Variants in SPAG16 observed in about 807,000 individuals in gnomAD.
The protein encoded by SPAG16 is sperm associated antigen 16.
SPAG16 carries 86 observed loss-of-function variants against 80.4 expected under a neutral mutation model. That is an observed-to-expected ratio of 1.07 (90% CI 0.90 to 1.28). SPAG16 has a LOEUF of 1.28. SPAG16 is among the 50% of genes most tolerant of loss of function. The pLI, the probability that SPAG16 is intolerant of heterozygous loss-of-function variation, is 0.00. For missense variants in SPAG16, 870 were observed against 765.3 expected (o/e 1.14, Z -1.61); for synonymous variants, 294 against 265.9 (o/e 1.11, Z -1.03).
intron 10 of SPAG16, among the ~76,000 whole-genome samples, chr2:213,619,626 G>A (rs999522865): frequency 2.0e-5 from 3 of 152,090 alleles, no homozygotes; most frequent in African/African-American, 7.2e-5. Flanking sequence ...TCTCACTCCA[G>A]TTAGAATAGC....
Position 213,878,486 on chromosome 2 carries a change from T to C in SPAG16, c.1214+15858T>C, listed in dbSNP as rs571992808. Among the ~76,000 whole-genome samples the C allele has an allele frequency of 2.6e-4, 40 of 152,300 alleles. No homozygotes were observed. In the South Asian group the frequency reaches 6.2e-3, roughly 24 times the overall value. On this transcript the variant is annotated intron_variant, in intron 11 of 15. Coordinates refer to ENST00000331683, the MANE Select transcript of SPAG16 (RefSeq NM_024532.5). ...TCTATTCATTTTCTTTGCCCACTTT[T>C]TATTGGGGCTATTGGGAATTTTTGT...
chr2:213,641,160 C>T (rs763791235), intron 10 of SPAG16, among the ~76,000 whole-genome samples: 14 of 152,162 alleles, frequency 9.2e-5, no homozygotes, highest in East Asian at 1.9e-4. Context: ...AATGGAGTTA[C>T]GTTCTGAAGG....
intron 1 of SPAG16, among the ~76,000 whole-genome samples, chr2:213,289,026 T>G (rs1349785320): frequency 1.1e-4 from 16 of 152,182 alleles, no homozygotes; most frequent in Admixed American, 1.0e-3. Flanking sequence ...AAAAAAAATG[T>G]GTTTTGCTCT....
intron 10 of SPAG16, among the ~76,000 whole-genome samples, chr2:213,796,612 G>A (rs1055251195): frequency 6.6e-6 from 1 of 152,102 alleles, no homozygotes; most frequent in African/African-American, 2.4e-5. Context: ...CCATTGCTTA[G>A]TGATGTCATA....
intron 9 of SPAG16, among the ~76,000 whole-genome samples, chr2:213,416,241 G>A (rs1442576665): frequency 6.6e-6 from 1 of 152,200 alleles, no homozygotes. Flanking sequence ...TACATGCAGA[G>A]GCTTTAAATG....
chr2:213,346,056 T>A (rs557911238), intron 6 of SPAG16, among the ~76,000 whole-genome samples: 104 of 152,302 alleles, frequency 6.8e-4, no homozygotes, highest in Admixed American at 1.6e-3. Context: ...TTTTATTTCC[T>A]TGAGCAGTGG....
chr2:213,741,716 C>A (rs1223431071), intron 10 of SPAG16, among the ~76,000 whole-genome samples: 1 of 152,042 alleles, frequency 6.6e-6, no homozygotes, highest in Non-Finnish European at 1.5e-5. Flanking sequence ...TTACATTAGT[C>A]ATTTTATATA....
chr2:213,467,394 C>T (rs1196281585), intron 9 of SPAG16, among the ~76,000 whole-genome samples: 1 of 152,160 alleles, frequency 6.6e-6, no homozygotes, highest in Non-Finnish European at 1.5e-5. Context: ...GATGGTAGTT[C>T]CCTTATGAGG....
rs1454353757 is a variant in SPAG16 at position 214,013,849 on chromosome 2, A to G, written c.1401-102A>G. The G allele has an allele frequency of 4.8e-6, 6 of 1,240,072 alleles. No homozygotes were observed. The East Asian group carries it at 1.5e-4, about 31-fold the overall frequency. The allele number at this position is 1,240,072 out of a possible 1,614,324, so 76.8% of individuals were successfully genotyped here. A position where few individuals can be genotyped will look rare whatever the true frequency, so the allele number is the denominator to read the frequency against. ...TTGTTATTGTAAAATTTTTGCCATT[A>G]ATAAAATTATTTCATGCCTCAGTTC... On this transcript the variant is annotated intron_variant, in intron 12 of 15. Transcript: ENST00000331683.
intron 15 of SPAG16, among the ~76,000 whole-genome samples, chr2:214,320,160 C>T (rs1306694355): frequency 3.9e-5 from 6 of 152,194 alleles, no homozygotes; most frequent in Non-Finnish European, 5.9e-5. Context: ...TATCTAGCCA[C>T]AGTGACTCTT....
chr2:213,649,771 G>A (rs546872063), intron 10 of SPAG16, among the ~76,000 whole-genome samples: 2 of 152,056 alleles, frequency 1.3e-5, no homozygotes, highest in African/African-American at 4.8e-5. Flanking sequence ...TGTAAAGAAA[G>A]GTTCTTGTTT....
rs377596230 is a variant in SPAG16 at position 213,807,960 on chromosome 2, T to A, written c.1071-54525T>A. The stretch of plus-strand genomic sequence containing the variant: ...CCTAGCTAGTGACCTATGATAGGCC[T>A]TGGTGCCAAATATTCTGCCCAAATG... On this transcript the variant is annotated intron_variant, in intron 10 of 15. Coordinates refer to ENST00000331683, the MANE Select transcript of SPAG16 (RefSeq NM_024532.5). Among the ~76,000 whole-genome samples, 5 of 152,302 alleles carry A rather than the reference T, an allele frequency of 3.3e-5. No individual in the cohort carries two copies. In the East Asian group the frequency reaches 9.6e-4, roughly 29 times the overall value.
At chr2:213,399,569 AT>A (rs935797706) in intron 9 of SPAG16, among the ~76,000 whole-genome samples, 2 of 151,936 alleles carry the variant, frequency 1.3e-5, no homozygotes, top group African/African-American at 4.8e-5. Context: ...CTAGTTAATC[AT>A]TTTTTCATAG....
At chr2:214,389,954 A>C (rs1477181779) in intron 15 of SPAG16, among the ~76,000 whole-genome samples, 1 of 152,116 alleles carries the variant, frequency 6.6e-6, no homozygotes, top group Non-Finnish European at 1.5e-5. Context: ...TTTTTGTTGG[A>C]GTGCACTTCA....
chr2:213,430,166 C>G (rs369598507), intron 9 of SPAG16, among the ~76,000 whole-genome samples: 90 of 149,956 alleles, frequency 6.0e-4, no homozygotes, highest in African/African-American at 2.2e-3. Flanking sequence ...CACAGAACTT[C>G]TGGAAATGAA....
At chr2:213,439,852 T>C (rs1277015501) in intron 9 of SPAG16, among the ~76,000 whole-genome samples, 2 of 152,228 alleles carry the variant, frequency 1.3e-5, no homozygotes, top group African/African-American at 4.8e-5. Context: ...CTTAGATTTA[T>C]GCCACAGAAA....
intron 10 of SPAG16, among the ~76,000 whole-genome samples, chr2:213,816,324 C>T (rs998339045): frequency 1.3e-5 from 2 of 151,788 alleles, no homozygotes; most frequent in Non-Finnish European, 2.9e-5. Flanking sequence ...TGTTGATGAC[C>T]CTATTGATTT....
intron 10 of SPAG16, among the ~76,000 whole-genome samples, chr2:213,561,960 A>T (rs979898963): frequency 6.6e-6 from 1 of 152,166 alleles, no homozygotes; most frequent in African/African-American, 2.4e-5. Context: ...TCAGCCAATT[A>T]TTCTGTCTTG....
At chr2:214,140,933 T>TGGGG (rs56893647) in intron 14 of SPAG16, among the ~76,000 whole-genome samples, 5 of 59,206 alleles carry the variant, frequency 8.4e-5, no homozygotes, top group Admixed American at 2.2e-4. Flanking sequence ...ATCCCATTGG[T>TGGGG]GGGGGGGGGG....
Sources: allele counts gnomAD v4.1 joint callset (sites outside exome capture counted in the v4.1 genomes callset), GRCh38; gene constraint gnomAD v4.1.1; transcripts MANE v1.5; gene names NCBI Gene and HGNC (gene_info 2026-07-23, HGNC 2026-07-21).